RCAN2: variants seen among roughly 807,000 people sequenced by gnomAD.
RCAN2 encodes the protein regulator of calcineurin 2.
Under a neutral mutation model 23.6 loss-of-function variants are expected in RCAN2, and 9 were observed. The ratio of observed to expected loss-of-function variants is 0.38; its 90% CI spans 0.23 to 0.67. RCAN2 has a LOEUF of 0.67. Ranked by LOEUF, RCAN2 falls within the 30% of genes least tolerant of loss-of-function variation. RCAN2 has a pLI of 0.51. For missense variants in RCAN2, 273 were observed against 302.3 expected (o/e 0.90, Z 0.72); for synonymous variants, 109 against 115.7 (o/e 0.94, Z 0.37).
intron 2 of RCAN2, among the ~76,000 whole-genome samples, chr6:46,379,196 G>A (rs1400393520): frequency 6.6e-6 from 1 of 152,102 alleles, no homozygotes; most frequent in Non-Finnish European, 1.5e-5. Flanking sequence ...CAATTATGTG[G>A]GTACATCAAA....
chr6:46,276,737 G>A (rs114025819), intron 2 of RCAN2, among the ~76,000 whole-genome samples: 2,568 of 152,348 alleles, frequency 0.017, 18 homozygotes, highest in Non-Finnish European at 0.029. Context: ...AAGCATGGGA[G>A]TTGAAATTGC....
At chr6:46,307,434 T>G (rs1391989925) in intron 2 of RCAN2, among the ~76,000 whole-genome samples, 1 of 151,924 alleles carries the variant, frequency 6.6e-6, no homozygotes, top group Non-Finnish European at 1.5e-5. Context: ...GAAGAGTGTA[T>G]GTGAGGGGAA....
chr6:46,489,835 A>C (rs2150452107), intron 1 of RCAN2, among the ~76,000 whole-genome samples: 1 of 152,362 alleles, frequency 6.6e-6, no homozygotes, highest in East Asian at 1.9e-4. Context: ...TGCAAAGTGC[A>C]ACTCACATTT....
At chr6:46,364,366 CA>C (rs1582143495) in intron 2 of RCAN2, among the ~76,000 whole-genome samples, 1 of 152,014 alleles carries the variant, frequency 6.6e-6, no homozygotes, top group East Asian at 1.9e-4. Flanking sequence ...ATATCACTTC[CA>C]AAAGTACACT....
At chr6:46,254,409 A>G (rs918542786) in intron 2 of RCAN2, among the ~76,000 whole-genome samples, 3 of 152,180 alleles carry the variant, frequency 2.0e-5, no homozygotes, top group Non-Finnish European at 2.9e-5. Flanking sequence ...TGCTGCAGGA[A>G]GGTCAAATAG....
intron 1 of RCAN2, among the ~76,000 whole-genome samples, chr6:46,486,826 T>G (rs2150450210): frequency 6.6e-6 from 1 of 152,326 alleles, no homozygotes; most frequent in South Asian, 2.1e-4. Context: ...GCAGGGAGTT[T>G]GAATTGTATT....
chr6:46,298,323 AGTGTAGGGCAATATT>A (rs1439071742), intron 2 of RCAN2, among the ~76,000 whole-genome samples: 1 of 152,124 alleles, frequency 6.6e-6, no homozygotes, highest in Non-Finnish European at 1.5e-5. Context: ...GATGTCACTC[AGTGTAGGGCAATATT>A]ATGTCAATGC....
chr6:46,224,632 G>A (rs1192631592), intron 4 of RCAN2, among the ~76,000 whole-genome samples: 4 of 152,238 alleles, frequency 2.6e-5, no homozygotes, highest in African/African-American at 7.2e-5. Context: ...AGCTAGACCC[G>A]ATGCAGCCCA....
chr6:46,246,716 C>CGT lies in RCAN2; in HGVS notation c.571+30_571+31dup, dbSNP rs747290688. The CGT allele has an allele frequency of 1.9e-6, 3 of 1,601,060 alleles. No individual in the cohort carries two copies. The African/African-American group carries it at 4.0e-5, about 22-fold the overall frequency. On this transcript the variant is annotated intron_variant, in intron 4 of 4. Transcript: ENST00000371374. The stretch of plus-strand genomic sequence containing the variant: ...TTGGCTTTTCTAGGTTGCTGACAAA[C>CGT]GTTTATTTTTAAAATGGACCGCAAA...
chr6:46,251,155 C>T (rs1271965649), intron 2 of RCAN2, among the ~76,000 whole-genome samples: 2 of 152,120 alleles, frequency 1.3e-5, no homozygotes, highest in Admixed American at 1.3e-4. Context: ...TTTTCCTTGT[C>T]TTATGCAGAG....
At chr6:46,435,877 T>G (rs1204216561) in intron 2 of RCAN2, among the ~76,000 whole-genome samples, 1 of 152,224 alleles carries the variant, frequency 6.6e-6, no homozygotes, top group Admixed American at 6.5e-5. Context: ...CATCTAGTCT[T>G]TGTAACTATA....
At chr6:46,317,907 T>A (rs533121125) in intron 2 of RCAN2, among the ~76,000 whole-genome samples, 1 of 152,352 alleles carries the variant, frequency 6.6e-6, no homozygotes, top group African/African-American at 2.4e-5. Context: ...ATATCAGGAA[T>A]CTGTTTATAA....
intron 2 of RCAN2, among the ~76,000 whole-genome samples, chr6:46,389,394 C>G (rs894029073): frequency 1.3e-5 from 2 of 152,192 alleles, no homozygotes; most frequent in Non-Finnish European, 2.9e-5. Context: ...CTTCCAGACT[C>G]AGCTCAGGAA....
intron 2 of RCAN2, among the ~76,000 whole-genome samples, chr6:46,378,193 T>C (rs1378747110): frequency 2.6e-5 from 4 of 152,206 alleles, no homozygotes; most frequent in African/African-American, 4.8e-5. Context: ...TCATGATTTG[T>C]TGGTAAATAG....
rs550726764 is a variant in RCAN2, at chr6:46,379,192, T to C, written c.225+77560A>G. On this transcript the variant is annotated intron_variant, in intron 2 of 4. Coordinates refer to ENST00000371374, the MANE Select transcript of RCAN2 (RefSeq NM_001251974.2). ...GAGGGTGAAGGTAGTTTGCCAATTA[T>C]GTGGGTACATCAAACCTGCTGGGCC... is the stretch of plus-strand genomic sequence containing the variant. Among the ~76,000 whole-genome samples the C allele has an allele frequency of 7.6e-4, 115 of 152,300 alleles. 1 individual carries two copies. The highest frequency in any genetic ancestry group is 1.2e-3 in the South Asian group (6 of 4,820).
intron 2 of RCAN2, among the ~76,000 whole-genome samples, chr6:46,383,242 G>A (rs1416901554): frequency 1.3e-5 from 2 of 151,166 alleles, no homozygotes; most frequent in Admixed American, 1.3e-4. Context: ...ACCAGAGAAG[G>A]CTTAGTGGAG....
intron 2 of RCAN2, among the ~76,000 whole-genome samples, chr6:46,320,654 G>A (rs1763584399): frequency 6.6e-6 from 1 of 152,242 alleles, no homozygotes; most frequent in East Asian, 1.9e-4. Flanking sequence ...TTGGGAGGAT[G>A]TTGAGAAATT....
chr6:46,469,445 T>C (rs1768491620), intron 1 of RCAN2, among the ~76,000 whole-genome samples: 1 of 152,176 alleles, frequency 6.6e-6, no homozygotes. Flanking sequence ...TCGTGGAGGA[T>C]GGAACCAGTC....
rs144601905 is a variant in RCAN2 at position 46,318,379 on chromosome 6, C to T, written c.226-69483G>A. Among the ~76,000 whole-genome samples the T allele has an allele frequency of 5.9e-5, 9 of 152,094 alleles. 1 individual carries two copies. In the East Asian group the frequency reaches 1.7e-3, roughly 29 times the overall value. Reference sequence around the variant, plus strand: ...CTTTCTGGAAGCTAAAGGATCAAGACCTTTTTGAAACATTAAAAAAAAGTA... The same window carrying T: ...CTTTCTGGAAGCTAAAGGATCAAGATCTTTTTGAAACATTAAAAAAAAGTA... On this transcript the variant is annotated intron_variant, in intron 2 of 4. Transcript: ENST00000371374.
Sources: gnomAD v4.1 joint callset for allele counts (sites outside exome capture counted in the v4.1 genomes callset) on GRCh38, gnomAD v4.1.1 for gene constraint, MANE v1.5 for transcripts, NCBI Gene and HGNC (gene_info 2026-07-23, HGNC 2026-07-21) for gene names.